The following DISC1 variants were observed in gnomAD, a reference collection of about 807,000 sequenced individuals.
The protein encoded by DISC1 is disrupted in schizophrenia 1 protein.
Under a neutral mutation model 84.5 loss-of-function variants are expected in DISC1, and 57 were observed. That is an observed-to-expected ratio of 0.67 (90% confidence interval 0.55 to 0.84). DISC1 has a LOEUF of 0.84. Ranked by LOEUF, DISC1 falls within the 40% of genes least tolerant of loss-of-function variation. The probability of loss-of-function intolerance (pLI) is 0.00; values close to 1 mark genes in which losing one functional copy is unlikely to be tolerated. For synonymous variants in DISC1, 411 were observed against 415.2 expected (o/e 0.99, Z 0.12); for missense variants, 1,000 against 1,057.8 (o/e 0.95, Z 0.76).
intron 12 of DISC1, among the ~76,000 whole-genome samples, chr1:232,028,370 T>A (rs888484901): frequency 1.3e-5 from 2 of 152,184 alleles, no homozygotes; most frequent in Non-Finnish European, 2.9e-5. Context: ...GGTCTCTTAT[T>A]GTGAAATTTT....
At chr1:231,993,511 C>T (rs1464984543) in intron 10 of DISC1, among the ~76,000 whole-genome samples, 1 of 152,120 alleles carries the variant, frequency 6.6e-6, no homozygotes, top group Non-Finnish European at 1.5e-5. Context: ...GAACAATATT[C>T]TCAGTTTATA....
chr1:231,760,639 A>G (rs952255848), intron 4 of DISC1, among the ~76,000 whole-genome samples: 2 of 152,208 alleles, frequency 1.3e-5, no homozygotes, highest in Non-Finnish European at 2.9e-5. Flanking sequence ...CTCTAACAAC[A>G]TTAGGGGTCT....
intron 10 of DISC1, among the ~76,000 whole-genome samples, chr1:232,002,942 A>G (rs895408126): frequency 1.3e-5 from 2 of 152,226 alleles, no homozygotes; most frequent in African/African-American, 2.4e-5. Flanking sequence ...TATCAATGTC[A>G]ATACTCTGGC....
chr1:231,716,619 G>A (rs867740558), intron 3 of DISC1, among the ~76,000 whole-genome samples: 9 of 152,242 alleles, frequency 5.9e-5, no homozygotes, highest in Admixed American at 2.0e-4. Flanking sequence ...GGAGGAAAAT[G>A]GGACATACAT....
At chr1:231,633,607 C>T (rs1408743618) in intron 1 of DISC1, among the ~76,000 whole-genome samples, 2 of 152,106 alleles carry the variant, frequency 1.3e-5, no homozygotes, top group Non-Finnish European at 2.9e-5. Flanking sequence ...AGTCATCTGC[C>T]CGAATGTCGT....
At chr1:232,035,516 A>G (rs910970743) in intron 12 of DISC1, among the ~76,000 whole-genome samples, 1 of 152,150 alleles carries the variant, frequency 6.6e-6, no homozygotes. Context: ...TTTTTGTTGC[A>G]TTGACATTGC....
intron 10 of DISC1, among the ~76,000 whole-genome samples, chr1:231,998,675 T>C (rs961220856): frequency 6.6e-5 from 10 of 152,234 alleles, no homozygotes; most frequent in Admixed American, 5.2e-4. Flanking sequence ...AGATTTATCA[T>C]GCACAAGCTT....
chr1:231,984,598 G>A (rs1664133848), intron 10 of DISC1, among the ~76,000 whole-genome samples: 1 of 152,158 alleles, frequency 6.6e-6, no homozygotes, highest in African/African-American at 2.4e-5. Context: ...TCAGGCTGGG[G>A]ACCAGGGGTA....
chr1:231,834,570 G>A (rs1461673657), intron 9 of DISC1, among the ~76,000 whole-genome samples: 2 of 152,158 alleles, frequency 1.3e-5, no homozygotes, highest in Non-Finnish European at 2.9e-5. Flanking sequence ...AGTTTGCATT[G>A]GGGTCAAGCG....
chr1:231,952,316 C>A (rs1008449430), intron 9 of DISC1, among the ~76,000 whole-genome samples: 1 of 151,966 alleles, frequency 6.6e-6, no homozygotes, highest in African/African-American at 2.4e-5. Flanking sequence ...CTGAACGATG[C>A]CCTGACAATG....
chr1:232,022,624 C>T (rs1334665203), intron 11 of DISC1, among the ~76,000 whole-genome samples: 1 of 152,070 alleles, frequency 6.6e-6, no homozygotes, highest in Non-Finnish European at 1.5e-5. Flanking sequence ...TGGTTCTGAT[C>T]CCACCCTGCT....
intron 9 of DISC1, among the ~76,000 whole-genome samples, chr1:231,914,157 GC>G (rs1292932212): frequency 6.6e-6 from 1 of 152,106 alleles, no homozygotes; most frequent in African/African-American, 2.4e-5. Context: ...CAATACGGCT[GC>G]CCCACCTGTG....
chr1:231,748,359 T>G (rs1003658156), intron 3 of DISC1, among the ~76,000 whole-genome samples: 2 of 152,246 alleles, frequency 1.3e-5, no homozygotes, highest in Non-Finnish European at 2.9e-5. Flanking sequence ...TTCAGTAAGA[T>G]GTTCACTGTG....
chr1:231,915,793 A>T (rs896391219), intron 9 of DISC1, among the ~76,000 whole-genome samples: 9 of 152,184 alleles, frequency 5.9e-5, no homozygotes, highest in African/African-American at 1.9e-4. Context: ...AACAAAAACA[A>T]AAATAAAAAC....
At chr1:231,634,823 A>G (rs1041729248) in intron 1 of DISC1, among the ~76,000 whole-genome samples, 5 of 151,924 alleles carry the variant, frequency 3.3e-5, no homozygotes, top group Non-Finnish European at 7.4e-5. Context: ...GGGCGGGAGG[A>G]TTGCTTGAGG....
chr1:231,857,743 T>C (rs1270643033), intron 9 of DISC1, among the ~76,000 whole-genome samples: 1 of 152,224 alleles, frequency 6.6e-6, no homozygotes, highest in East Asian at 1.9e-4. Flanking sequence ...AATGCAGCCA[T>C]GACTTCTCAC....
chr1:231,833,029 T>G lies in DISC1; in HGVS notation c.1981+14512T>G, dbSNP rs554824711. On this transcript the variant is annotated intron_variant, in intron 9 of 12. Transcript: ENST00000439617. ...GCATGATCGGTCACCAAGGAGGGAG[T>G]AGAGGTATCTTATACTTGTGGGTTA... 6.3e-3 allele frequency among the ~76,000 whole-genome samples: 844 copies of G among 133,326 alleles called. 46 individuals carry two copies. The highest frequency in any genetic ancestry group is 0.022 in the African/African-American group (783 of 34,896). 87.5% of individuals were successfully genotyped at this position (133,326 alleles called of 152,430 possible). A position where few individuals can be genotyped will look rare whatever the true frequency, so the allele number is the denominator to read the frequency against.
intron 3 of DISC1, among the ~76,000 whole-genome samples, chr1:231,741,700 T>C (rs537874908): frequency 6.6e-6 from 1 of 152,100 alleles, no homozygotes; most frequent in Non-Finnish European, 1.5e-5. Context: ...ATGGATGAGG[T>C]AGACTTAGCC....
intron 9 of DISC1, among the ~76,000 whole-genome samples, chr1:231,850,455 A>G (rs148793385): frequency 2.0e-5 from 3 of 152,376 alleles, no homozygotes; most frequent in Non-Finnish European, 4.4e-5. Flanking sequence ...TTTCTCTCAC[A>G]TGTCCTTGGG....
Sources: allele counts gnomAD v4.1 joint callset (sites outside exome capture counted in the v4.1 genomes callset), GRCh38; gene constraint gnomAD v4.1.1; transcripts MANE v1.5; gene names NCBI Gene and HGNC (gene_info 2026-07-23, HGNC 2026-07-21).